Variants in ACSM2A observed in about 807,000 individuals in gnomAD.
ACSM2A encodes the protein acyl-CoA synthetase medium chain family member 2A, also known as acyl-coenzyme A synthetase ACSM2A, mitochondrial.
ACSM2A carries 72 observed loss-of-function variants against 76.6 expected under a neutral mutation model. That is an observed-to-expected ratio of 0.94 (90% CI 0.78 to 1.14). The LOEUF is 1.14. Among genes scored for constraint, ACSM2A ranks in the 50% most tolerant of loss-of-function variants. The probability of loss-of-function intolerance (pLI) is 0.00; values close to 1 mark genes in which losing one functional copy is unlikely to be tolerated. For missense variants in ACSM2A, 684 were observed against 708.5 expected, an observed-to-expected ratio of 0.97 and a Z score of 0.39; for synonymous variants, 249 against 255.9, an observed-to-expected ratio of 0.97 and a Z score of 0.26.
rs139496425 is a variant in ACSM2A, at chr16:20,454,406, A to T, written c.-9+2725A>T. 2.7e-3 allele frequency among the ~76,000 whole-genome samples: 404 copies of T among 152,092 alleles called. 4 individuals are homozygous for T. The highest frequency in any genetic ancestry group is 0.02 in the Admixed American group (305 of 15,264). On this transcript the variant is annotated intron_variant, in intron 1 of 13. Transcript: ENST00000573854. Reference sequence around the variant, plus strand: ...ATGAACTTTTTTTGCCAGAAGAAACAACTTCCTCCCCACCCAGTAGTGGCA... The same window carrying T: ...ATGAACTTTTTTTGCCAGAAGAAACTACTTCCTCCCCACCCAGTAGTGGCA...
intron 4 of ACSM2A, 145 bp downstream of exon 4, chr16:20,469,864 AC>A: frequency 2.2e-6 from 2 of 923,022 alleles, no homozygotes; most frequent in East Asian, 2.9e-5. Flanking sequence ...AAAAGCTAAC[AC>A]AAGGGTATTT....
In ACSM2A at chr16:20,483,209, C is replaced by T. The variant is rs778545036; in HGVS notation, c.1629+32C>T. ...CCTTTGAGCTCCCAAGTCACTCAAA[C>T]TTGAGAAATAGATTGTTTTCCTGTT... is the stretch of plus-strand genomic sequence containing the variant. On this transcript the variant is annotated intron_variant, in intron 13 of 13. Transcript: ENST00000573854. The T allele has an allele frequency of 5.0e-6, 8 of 1,608,542 alleles. No homozygotes were observed. In the African/African-American group the frequency reaches 9.4e-5, roughly 19 times the overall value.
intron 1 of ACSM2A, among the ~76,000 whole-genome samples, chr16:20,459,545 G>T (rs2012474854): frequency 6.6e-6 from 1 of 152,146 alleles, no homozygotes; most frequent in African/African-American, 2.4e-5. Context: ...GTTGTTCTGG[G>T]TCCCAGTCTG....
At position 20,475,657 on chromosome 16, in the gene ACSM2A, T is replaced by A. The variant is rs1027864844; in HGVS notation, c.982T>A (p.Phe328Ile). 6.2e-6 allele frequency: 10 copies of A among 1,613,918 alleles called. No individual in the cohort carries two copies. The highest frequency in any genetic ancestry group is 8.5e-6 in the Non-Finnish European group (10 of 1,179,884). Residue 328 changes from phenylalanine (F) to isoleucine (I), a missense_variant, in exon 8 of 14, where the codon TTC becomes ATC. By Grantham distance (21) the Phe-to-Ile change is conservative. This residue lies in a region of ACSM2A where 519 missense variants were observed against 549.5 expected (regional missense o/e 0.94). Coordinates refer to ENST00000573854, the MANE Select transcript of ACSM2A (RefSeq NM_001308172.2). The part of the protein sequence containing the change: ...LLQQDLSSYK[F>I]PHLQNCVTVG... Reference sequence around the variant, plus strand: ...TTTATTTCTCTTCTTCAGTTACAAGTTCCCCCATCTACAGAACTGCGTCAC... The same window carrying A: ...TTTATTTCTCTTCTTCAGTTACAAGATCCCCCATCTACAGAACTGCGTCAC...
intron 3 of ACSM2A, among the ~76,000 whole-genome samples, chr16:20,467,433 C>T (rs1216350052): frequency 1.3e-5 from 2 of 151,880 alleles, no homozygotes; most frequent in Admixed American, 6.6e-5. Flanking sequence ...ATTGGATGCT[C>T]AATAGGGAAT....
At chr16:20,479,661 G>A (rs28441407) in intron 10 of ACSM2A, among the ~76,000 whole-genome samples, 4,152 of 152,308 alleles carry the variant, frequency 0.027, 188 homozygotes, top group African/African-American at 0.093. Flanking sequence ...CCTTCTCCAA[G>A]CATTTCCTTT....
intron 8 of ACSM2A, chr16:20,476,069 A>G (rs2013722553): frequency 9.5e-7 from 1 of 1,057,324 alleles, no homozygotes; most frequent in Non-Finnish European, 1.2e-6. Flanking sequence ...AGTAGATGAC[A>G]TGGGGTGAGA....
Position 20,465,653 on chromosome 16 carries a change from G to T in ACSM2A, c.314G>T (p.Arg105Leu), listed in dbSNP as rs371291843. Residue 105 changes from arginine (R) to leucine (L), a missense_variant, in exon 3 of 14, where the codon CGT becomes CTT. Arg to Leu is a moderately radical substitution (Grantham distance 102). Transcript: ENST00000573854. The stretch of plus-strand genomic sequence containing the variant: ...CTCTCGGGAGCCTGTGGCCTGCAGC[G>T]TGGGGATCGTGTGGCAGTGGTGCTG... ...NVLSGACGLQ[R>L]GDRVAVVLPR... The T allele has an allele frequency of 6.2e-6, 10 of 1,614,020 alleles. No homozygotes were observed. The South Asian group carries it at 8.8e-5, about 14-fold the overall frequency.
chr16:20,454,341 G>A (rs2011989504), intron 1 of ACSM2A, among the ~76,000 whole-genome samples: 1 of 151,952 alleles, frequency 6.6e-6, no homozygotes, highest in African/African-American at 2.4e-5. Context: ...GGTATGGGAG[G>A]ACACTGGTGA....
intron 1 of ACSM2A, among the ~76,000 whole-genome samples, chr16:20,455,127 C>T (rs1481505017): frequency 6.7e-6 from 1 of 149,404 alleles, no homozygotes; most frequent in Admixed American, 6.7e-5. Flanking sequence ...ATGAACAAAG[C>T]CTCCAAGAAG....
chr16:20,472,268 T>C (rs2013463020), intron 6 of ACSM2A, among the ~76,000 whole-genome samples: 1 of 152,210 alleles, frequency 6.6e-6, no homozygotes, highest in Non-Finnish European at 1.5e-5. Context: ...CTCATAGCTC[T>C]GGAGGCTGTA....
chr16:20,459,612 A>G (rs943959786), intron 1 of ACSM2A, among the ~76,000 whole-genome samples: 10 of 152,164 alleles, frequency 6.6e-5, no homozygotes, highest in Non-Finnish European at 8.8e-5. Flanking sequence ...AAATGTGAGA[A>G]TTTCTGATGA....
At position 20,486,737 on chromosome 16, in the gene ACSM2A, G is replaced by A. The variant is rs528244862; in HGVS notation, c.*59G>A. 225 of 1,585,856 alleles carry A rather than the reference G, an allele frequency of 1.4e-4. 1 individual carries two copies. Among genetic ancestry groups the A allele is most frequent in the African/African-American group, 1.4e-3 (103 of 74,104 alleles). On this transcript the variant is annotated 3_prime_UTR_variant, in exon 14 of 14. Coordinates refer to ENST00000573854, the MANE Select transcript of ACSM2A (RefSeq NM_001308172.2). ...TTCTTTCTCTTTCTTTTCCCTTTGG[G>A]CCCTTGGCCTTCCTATGATTATATG...
At chr16:20,483,450 A>T in intron 13 of ACSM2A, among the ~76,000 whole-genome samples, 1 of 151,400 alleles carries the variant, frequency 6.6e-6, no homozygotes, top group East Asian at 2.0e-4. Flanking sequence ...TGTGCCTGTA[A>T]TCCCAGCTAC....
chr16:20,458,914 AT>A (rs550083937), intron 1 of ACSM2A, among the ~76,000 whole-genome samples: 1,388 of 59,234 alleles, frequency 0.023, 15 homozygotes, highest in Middle Eastern at 0.097. Context: ...GCATATATAT[AT>A]ATATATATAT....
chr16:20,469,961 C>A (rs2013282963), intron 4 of ACSM2A, among the ~76,000 whole-genome samples: 1 of 148,954 alleles, frequency 6.7e-6, no homozygotes, highest in Non-Finnish European at 1.5e-5. Context: ...ATATAGAATG[C>A]CTCCCAGGAT....
chr16:20,483,620 A>G (rs2014235118), intron 13 of ACSM2A, among the ~76,000 whole-genome samples: 1 of 149,948 alleles, frequency 6.7e-6, no homozygotes, highest in African/African-American at 2.4e-5. Context: ...TATGATCAAG[A>G]AAGCCCAGAA....
rs1031364843 is a variant in ACSM2A at position 20,486,499 on chromosome 16, C to T, written c.1630-75C>T. On this transcript the variant is annotated intron_variant, in intron 13 of 13. Transcript: ENST00000573854. ...TCCAGCCTGAAGAACTTCCCCTCACCCTACAGCAGTTCTGAAAAATGCAAC... is the reference window on the plus strand; with the variant it reads ...TCCAGCCTGAAGAACTTCCCCTCACTCTACAGCAGTTCTGAAAAATGCAAC... 2.6e-6 allele frequency: 4 copies of T among 1,534,904 alleles called. No homozygotes were observed. The African/African-American group carries it at 4.1e-5, about 16-fold the overall frequency.
intron 10 of ACSM2A, among the ~76,000 whole-genome samples, chr16:20,480,365 C>A (rs2014013984): frequency 6.6e-6 from 1 of 152,210 alleles, no homozygotes; most frequent in Admixed American, 6.5e-5. Flanking sequence ...AGCTGAGAGA[C>A]CCTGGGTGGA....
Sources: gnomAD v4.1 joint callset for allele counts (sites outside exome capture counted in the v4.1 genomes callset) on GRCh38, gnomAD v4.1.1 for gene constraint, gnomAD v4.1.1 regional missense constraint, MANE v1.5 for transcripts, NCBI Gene and HGNC (gene_info 2026-07-23, HGNC 2026-07-21) for gene names.